Variants in ABCA9 observed in about 807,000 individuals in gnomAD.
The protein encoded by ABCA9 is ATP-binding cassette sub-family A member 9.
Under a neutral mutation model 205.3 loss-of-function variants are expected in ABCA9, and 183 were observed. The observed-to-expected ratio is 0.89, with a 90% CI of 0.79 to 1.01. The LOEUF is 1.01. Ranked by LOEUF, ABCA9 falls within the 50% of genes least tolerant of loss-of-function variation. The pLI is 0.00. For missense variants in ABCA9, 1,805 were observed against 1,912.4 expected (o/e 0.94, Z 1.05); for synonymous variants, 651 against 683.3 (o/e 0.95, Z 0.74).
chr17:69,044,405 G>T, intron 5 of ABCA9, 92 bp downstream of exon 5: 1 of 1,080,908 alleles, frequency 9.3e-7, no homozygotes, highest in Non-Finnish European at 1.4e-6. Flanking sequence ...TATTAATGAA[G>T]TGAATAAATG....
chr17:69,003,335 T>A (rs2069964017), intron 25 of ABCA9, among the ~76,000 whole-genome samples: 1 of 151,472 alleles, frequency 6.6e-6, no homozygotes, highest in African/African-American at 2.4e-5. Flanking sequence ...TCTCTCAGCA[T>A]TTGCTTGTCT....
intron 9 of ABCA9, chr17:69,032,830 C>T (rs928010168): frequency 1.3e-5 from 2 of 152,204 alleles, no homozygotes; most frequent in Admixed American, 6.5e-5. Flanking sequence ...AAATAATCAG[C>T]GAGTCATTAT....
At position 69,016,364 on chromosome 17, in the gene ABCA9, A is replaced by G. The variant is rs773454569; in HGVS notation, c.2928T>C (p.Asn976=). 5 of 1,594,444 alleles carry G rather than the reference A, an allele frequency of 3.1e-6. No individual in the cohort carries two copies. The highest frequency in any genetic ancestry group is 4.3e-6 in the Non-Finnish European group (5 of 1,173,250). ...CAGGAAAGCAATTCAGCCGTTTTGTATTACATGCTATTGAAAATCTGTGAT... is the reference window on the plus strand; with the variant it reads ...CAGGAAAGCAATTCAGCCGTTTTGTGTTACATGCTATTGAAAATCTGTGAT... ...EKDHRFSIAC[N]TKRLNCFPVL... Residue 976 remains asparagine, a synonymous_variant, in exon 22 of 39, where the codon AAT becomes AAC. Coordinates refer to ENST00000340001, the MANE Select transcript of ABCA9 (RefSeq NM_080283.4).
At position 69,029,159 on chromosome 17, in the gene ABCA9, A is replaced by AT. The variant is rs773389072; in HGVS notation, c.1504+9dup. ...AAGCAGCCCCATTAAATAAAATATT[A>AT]TTTTATTACCTTTCAAAGCTTCTAC... is the stretch of plus-strand genomic sequence containing the variant. On this transcript the variant is annotated intron_variant, in intron 11 of 38. Coordinates refer to ENST00000340001, the MANE Select transcript of ABCA9 (RefSeq NM_080283.4). The AT allele has an allele frequency of 5.3e-6, 8 of 1,505,592 alleles. No individual in the cohort carries two copies. In the South Asian group the frequency reaches 8.5e-5, roughly 16 times the overall value. The allele number at this position is 1,505,592 out of a possible 1,614,324, so 93.3% of individuals were successfully genotyped here. A position where few individuals can be genotyped will look rare whatever the true frequency, so the allele number is the denominator to read the frequency against.
Position 69,027,707 on chromosome 17 carries a change from G to A in ABCA9, c.1724C>T (p.Thr575Ile). The change falls in exon 13 of 39, where the codon ACT (threonine) becomes ATT (isoleucine). Residue 575 changes from threonine (T) to isoleucine (I), a missense_variant. Coordinates refer to ENST00000340001, the MANE Select transcript of ABCA9 (RefSeq NM_080283.4). ...PQSNVQFGFL[T>I]VKENLRLFAK... ...AAACAGCCTGAGGTTTTCTTTCACAGTGAGAAATCCAAATTGCACATTGGA... is the reference window on the plus strand; with the variant it reads ...AAACAGCCTGAGGTTTTCTTTCACAATGAGAAATCCAAATTGCACATTGGA... The A allele has an allele frequency of 1.2e-6, 2 of 1,613,380 alleles. No homozygotes were observed. Among genetic ancestry groups the A allele is most frequent in the East Asian group, 2.2e-5 (1 of 44,794 alleles).
At chr17:69,031,020 A>G (rs557076448) in intron 10 of ABCA9, among the ~76,000 whole-genome samples, 20 of 152,270 alleles carry the variant, frequency 1.3e-4, no homozygotes, top group Admixed American at 9.8e-4. Context: ...GGCAGTCTTG[A>G]GTAGCCATGC....
intron 31 of ABCA9, among the ~76,000 whole-genome samples, chr17:68,987,099 T>C (rs2143993580): frequency 6.6e-6 from 1 of 152,380 alleles, no homozygotes; most frequent in Non-Finnish European, 1.5e-5. Flanking sequence ...TATTTTTAAT[T>C]ACATTATCCT....
chr17:69,055,519 A>C (rs2144530025), intron 1 of ABCA9, among the ~76,000 whole-genome samples: 1 of 152,326 alleles, frequency 6.6e-6, no homozygotes, highest in African/African-American at 2.4e-5. Flanking sequence ...GTGTCAAAAT[A>C]CTGAGAGAAC....
At chr17:69,070,666 C>T in the ABCA9 span, among the ~76,000 whole-genome samples, 1 of 152,172 alleles carries the variant, frequency 6.6e-6, no homozygotes, top group Non-Finnish European at 1.5e-5. Flanking sequence ...GCTGGATGGC[C>T]ATTTGGGCAG....
Position 69,032,235 on chromosome 17 carries a change from A to G in ABCA9, c.1318T>C (p.Ser440Pro). 1 of 1,614,004 alleles carries G rather than the reference A, an allele frequency of 6.2e-7. No homozygotes were observed. Among genetic ancestry groups the G allele is most frequent in the East Asian group, 2.2e-5 (1 of 44,856 alleles). Residue 440 changes from serine (S) to proline (P), a missense_variant, in exon 10 of 39, where the codon TCC becomes CCC. Transcript: ENST00000340001. ...CTTCCGTGTTGAAACCAAAAACAGG[A>G]TTTCAGGAAAAACAAGGGAGAACAT... Reference protein sequence around the residue: ...HRCSPLFFLKSCFWFQHGRAN... With the variant: ...HRCSPLFFLKPCFWFQHGRAN...
chr17:69,010,659 T>C (rs1338195836), intron 23 of ABCA9, among the ~76,000 whole-genome samples: 1 of 152,086 alleles, frequency 6.6e-6, no homozygotes, highest in Non-Finnish European at 1.5e-5. Flanking sequence ...TAATTGCAAA[T>C]AAGGAAACCT....
intron 9 of ABCA9, 25 bp downstream of exon 9, chr17:69,033,701 A>C (rs2071237200): frequency 1.9e-6 from 3 of 1,556,720 alleles, no homozygotes; most frequent in Non-Finnish European, 2.6e-6. Flanking sequence ...AAATTGTGTT[A>C]AATTACAGCC....
At position 68,977,599 on chromosome 17, in the gene ABCA9, G is replaced by A. The variant is rs144011629; in HGVS notation, c.4721-1409C>T. 2.7e-3 allele frequency among the ~76,000 whole-genome samples: 409 copies of A among 152,310 alleles called. 1 individual carries two copies. Among genetic ancestry groups the A allele is most frequent in the African/African-American group, 9.5e-3 (394 of 41,566 alleles). On this transcript the variant is annotated intron_variant, in intron 37 of 38. Transcript: ENST00000340001. ...AAGGGGCATGTGAGGCTAGGGTTTT[G>A]CTGGAGTTTACATTACCCAGCAGAG...
At chr17:69,051,204 C>A in intron 1 of ABCA9, 65 bp from the exon 2 acceptor site, 2 of 1,434,112 alleles carry the variant, frequency 1.4e-6, no homozygotes, top group South Asian at 1.4e-5. Flanking sequence ...ATTGTGCAAT[C>A]AAACATAAAA....
At chr17:68,979,200 A>C (rs1425958395) in intron 37 of ABCA9, among the ~76,000 whole-genome samples, 1 of 152,128 alleles carries the variant, frequency 6.6e-6, no homozygotes, top group African/African-American at 2.4e-5. Context: ...CAAATAGAAT[A>C]AAATACCTAG....
At chr17:68,991,064 GCACAA>G (rs951890485) in intron 28 of ABCA9, 107 bp from the exon 29 acceptor site, 5 of 1,209,042 alleles carry the variant, frequency 4.1e-6, no homozygotes, top group Non-Finnish European at 5.7e-6. Flanking sequence ...TTCATTCAGA[GCACAA>G]CATCCTCTCT....
intron 27 of ABCA9, 130 bp downstream of exon 27, chr17:68,992,886 T>C: frequency 1.5e-6 from 1 of 664,190 alleles, no homozygotes; most frequent in Non-Finnish European, 2.6e-6. Flanking sequence ...TGCATGCATG[T>C]GCATGTGTGT....
intron 27 of ABCA9, 142 bp downstream of exon 27, chr17:68,992,866 TGTGCACGC>T (rs1474820927): frequency 4.1e-5 from 24 of 580,812 alleles, no homozygotes; most frequent in African/African-American, 4.0e-4. Context: ...TGTGTGTGTG[TGTGCACGC>T]ATGCATGCAT....
rs1047171463 is a variant in ABCA9, at chr17:69,033,762, A to G, written c.1240T>C (p.Leu414=). 5.6e-6 allele frequency: 9 copies of G among 1,611,670 alleles called. No homozygotes were observed. The African/African-American group carries it at 9.4e-5, about 17-fold the overall frequency. ...TTGTCAAAATATAATGTCAATACCA[A>G]ATACAGAAGGGTGTCAAAAACCAAC... The part of the protein sequence containing the change: ...FMLVFDTLLY[L]VLTLYFDKIL... The change falls in exon 9 of 39, where the codon TTG becomes CTG. Residue 414 remains leucine (L), a synonymous_variant. Coordinates refer to ENST00000340001, the MANE Select transcript of ABCA9 (RefSeq NM_080283.4).
Sources: allele counts gnomAD v4.1 joint callset (sites outside exome capture counted in the v4.1 genomes callset), GRCh38; gene constraint gnomAD v4.1.1; transcripts MANE v1.5; gene names NCBI Gene and HGNC (gene_info 2026-07-23, HGNC 2026-07-21).